The following SPHKAP variants were observed in gnomAD, a reference collection of about 807,000 sequenced individuals.
SPHKAP encodes the protein SPHK1 interactor, AKAP domain containing, also known as A-kinase anchor protein SPHKAP.
In SPHKAP, 67 loss-of-function variants were observed where a neutral mutation model predicts 137.5. The observed-to-expected ratio is 0.49, with a 90% CI of 0.40 to 0.60. The LOEUF (loss-of-function observed/expected upper bound fraction) is 0.60. Ranked by LOEUF, SPHKAP falls within the 20% of genes least tolerant of loss-of-function variation. The pLI, the probability that SPHKAP is intolerant of heterozygous loss-of-function variation, is 0.00. For synonymous variants in SPHKAP, 813 were observed against 785.3 expected (o/e 1.04, Z -0.59); for missense variants, 2,097 against 2,069.3 (o/e 1.01, Z -0.26).
At chr2:227,988,260 A>G (rs1434129410) in intron 11 of SPHKAP, among the ~76,000 whole-genome samples, 1 of 152,246 alleles carries the variant, frequency 6.6e-6, no homozygotes, top group Non-Finnish European at 1.5e-5. Flanking sequence ...AGAGAGTCTT[A>G]GATGACTCAA....
At chr2:228,091,524 A>G (rs1026646202) in intron 3 of SPHKAP, among the ~76,000 whole-genome samples, 2 of 152,234 alleles carry the variant, frequency 1.3e-5, no homozygotes, top group African/African-American at 4.8e-5. Flanking sequence ...TACACCTGAC[A>G]AAGACTAAAA....
chr2:228,002,021 A>G (rs1195899395), intron 7 of SPHKAP, among the ~76,000 whole-genome samples: 4 of 152,228 alleles, frequency 2.6e-5, no homozygotes, highest in Admixed American at 2.6e-4. Context: ...GTAGTGCCAC[A>G]ATAAACATAC....
At chr2:228,151,826 T>C (rs1414524101) in intron 1 of SPHKAP, among the ~76,000 whole-genome samples, 1 of 152,180 alleles carries the variant, frequency 6.6e-6, no homozygotes, top group South Asian at 2.1e-4. Flanking sequence ...GTGCTTATTA[T>C]ATTTAGTATT....
intron 7 of SPHKAP, among the ~76,000 whole-genome samples, chr2:228,001,935 T>C (rs1693923224): frequency 6.6e-6 from 1 of 152,254 alleles, no homozygotes; most frequent in Non-Finnish European, 1.5e-5. Context: ...TTCCATAGTG[T>C]ATATGTGCCA....
intron 3 of SPHKAP, among the ~76,000 whole-genome samples, chr2:228,048,426 C>A (rs1696142150): frequency 6.6e-6 from 1 of 152,130 alleles, no homozygotes; most frequent in African/African-American, 2.4e-5. Flanking sequence ...TCATCTCTCA[C>A]CTACTCCCTC....
intron 7 of SPHKAP, among the ~76,000 whole-genome samples, chr2:228,010,877 C>T (rs944079079): frequency 5.3e-5 from 8 of 152,096 alleles, no homozygotes; most frequent in South Asian, 4.1e-4. Context: ...CTGAGAACTT[C>T]GATAGGGCTA....
chr2:228,043,474 G>A (rs533586291), intron 3 of SPHKAP, among the ~76,000 whole-genome samples: 3 of 152,132 alleles, frequency 2.0e-5, no homozygotes, highest in Non-Finnish European at 2.9e-5. Context: ...CTACAGGCAC[G>A]TGCCACCATG....
chr2:228,070,387 C>A (rs1026331256), intron 3 of SPHKAP, among the ~76,000 whole-genome samples: 1 of 152,118 alleles, frequency 6.6e-6, no homozygotes, highest in Non-Finnish European at 1.5e-5. Flanking sequence ...GAAGAGCAGG[C>A]ATAGTTGGTG....
Position 228,009,960 on chromosome 2 carries a change from T to C in SPHKAP, c.4448+6446A>G, listed in dbSNP as rs183539202. Among the ~76,000 whole-genome samples the C allele has an allele frequency of 1.5e-4, 23 of 152,266 alleles. 1 individual carries two copies. Among genetic ancestry groups the C allele is most frequent in the African/African-American group, 5.5e-4 (23 of 41,564 alleles). On this transcript the variant is annotated intron_variant, in intron 7 of 11. Transcript: ENST00000392056. Reference sequence around the variant, plus strand: ...GCGTCATGGGGCTGTACCTATAGATTCATGCCTCAGTGTCCAGCAACAGGT... The same window carrying C: ...GCGTCATGGGGCTGTACCTATAGATCCATGCCTCAGTGTCCAGCAACAGGT...
intron 11 of SPHKAP, 31 bp from the exon 12 acceptor site, chr2:227,981,891 G>A: frequency 6.2e-7 from 1 of 1,600,782 alleles, no homozygotes; most frequent in South Asian, 1.1e-5. Flanking sequence ...AGGGCTCACA[G>A]AGCACAGAGG....
chr2:228,160,639 G>A (rs1046120121), intron 1 of SPHKAP, among the ~76,000 whole-genome samples: 2 of 152,168 alleles, frequency 1.3e-5, no homozygotes, highest in Non-Finnish European at 2.9e-5. Context: ...TGGGGATTAT[G>A]AGAATTACAA....
chr2:228,154,532 A>ATTT (rs1168623467), intron 1 of SPHKAP, among the ~76,000 whole-genome samples: 1 of 29,406 alleles, frequency 3.4e-5, no homozygotes, highest in Non-Finnish European at 5.8e-5. Context: ...ATATATATAT[A>ATTT]TTTTTTTTTT....
intron 2 of SPHKAP, among the ~76,000 whole-genome samples, chr2:228,111,816 A>G (rs900837495): frequency 1.3e-5 from 2 of 152,114 alleles, no homozygotes; most frequent in Non-Finnish European, 2.9e-5. Flanking sequence ...ATGTGAAATT[A>G]CAGAAGAGGG....
At chr2:228,071,114 T>G (rs895241165) in intron 3 of SPHKAP, among the ~76,000 whole-genome samples, 1 of 152,188 alleles carries the variant, frequency 6.6e-6, no homozygotes, top group African/African-American at 2.4e-5. Flanking sequence ...GGTGTCTATA[T>G]TTTTTATCCT....
chr2:228,075,769 C>A (rs73096682), intron 3 of SPHKAP, among the ~76,000 whole-genome samples: 2,750 of 152,156 alleles, frequency 0.018, 78 homozygotes, highest in African/African-American at 0.061. Context: ...AAATTAGAAG[C>A]AGCTAATAGA....
At position 228,027,497 on chromosome 2, in the gene SPHKAP, T is replaced by C. The variant is rs1014585588; in HGVS notation, c.293A>G (p.Glu98Gly). The change falls in exon 4 of 12, where the codon GAG becomes GGG. Residue 98 changes from glutamate (E) to glycine (G), a missense_variant. Glu to Gly is a moderately conservative substitution (Grantham distance 98). Coordinates refer to ENST00000392056, the MANE Select transcript of SPHKAP (RefSeq NM_001142644.2). ...LDVNKDECST[E>G]HLQQKLVNVS... Reference sequence around the variant, plus strand: ...TTCAAATGTTACCTGTTGCAGGTGCTCTGTGCTGCATTCATCCTTGTTCAC... The same window carrying C: ...TTCAAATGTTACCTGTTGCAGGTGCCCTGTGCTGCATTCATCCTTGTTCAC... 1 of 1,614,034 alleles carries C rather than the reference T, an allele frequency of 6.2e-7. No homozygotes were observed. The highest frequency in any genetic ancestry group is 8.5e-7 in the Non-Finnish European group (1 of 1,179,910).
chr2:228,018,475 T>C lies in SPHKAP; in HGVS notation c.2379A>G (p.Ser793=). The C allele has an allele frequency of 6.2e-7, 1 of 1,614,228 alleles. No individual in the cohort carries two copies. Among genetic ancestry groups the C allele is most frequent in the Non-Finnish European group, 8.5e-7 (1 of 1,180,024 alleles). The change falls in exon 7 of 12, where the codon TCA becomes TCG. Residue 793 remains serine, a synonymous_variant. Coordinates refer to ENST00000392056, the MANE Select transcript of SPHKAP (RefSeq NM_001142644.2). Reference sequence around the variant, plus strand: ...GCCTCACTCCACCCTTGTCTTGTTTTGAATACATGCCATCCACAAGATTGT... The same window carrying C: ...GCCTCACTCCACCCTTGTCTTGTTTCGAATACATGCCATCCACAAGATTGT... ...VINNLVDGMY[S]KQDKGGVRPG... is the part of the protein sequence containing the mutation.
At chr2:228,147,603 C>T (rs917567914) in intron 1 of SPHKAP, among the ~76,000 whole-genome samples, 7 of 152,238 alleles carry the variant, frequency 4.6e-5, no homozygotes, top group South Asian at 2.1e-4. Flanking sequence ...GTCACTTTTA[C>T]GAGTTCGACC....
rs1698708938 is a variant in SPHKAP at position 228,116,291 on chromosome 2, A to C, written c.139-7352T>G. On this transcript the variant is annotated intron_variant, in intron 2 of 11. Coordinates refer to ENST00000392056, the MANE Select transcript of SPHKAP (RefSeq NM_001142644.2). ...ATCCATCTAGCTCACTAAAACCAAA[A>C]CAAAGAATAAAAATGTAAGCTTTGA... 1.3e-5 allele frequency among the ~76,000 whole-genome samples: 2 copies of C among 152,112 alleles called. 1 individual carries two copies. The highest frequency in any genetic ancestry group is 4.1e-4 in the South Asian group (2 of 4,834).
Sources: gnomAD v4.1 joint callset for allele counts (sites outside exome capture counted in the v4.1 genomes callset) on GRCh38, gnomAD v4.1.1 for gene constraint, MANE v1.5 for transcripts, NCBI Gene and HGNC (gene_info 2026-07-23, HGNC 2026-07-21) for gene names.